The following SPECC1L variants were observed in gnomAD, a reference collection of about 807,000 sequenced individuals.
The protein encoded by SPECC1L is sperm antigen with calponin homology and coiled-coil domains 1 like.
Under a neutral mutation model 116.8 loss-of-function variants are expected in SPECC1L, and 40 were observed. The observed-to-expected ratio is 0.34, with a 90% CI of 0.27 to 0.45. The LOEUF is 0.45. SPECC1L is among the 20% of genes least tolerant of loss of function. SPECC1L has a pLI of 1.00. For synonymous variants in SPECC1L, 504 were observed against 500.6 expected, an observed-to-expected ratio of 1.01 and a Z score of -0.09; for missense variants, 1,110 against 1,373.6, an observed-to-expected ratio of 0.81 and a Z score of 3.03.
At chr22:24,369,187 A>G (rs199967266) in intron 13 of SPECC1L, 31 bp from the exon 14 acceptor site, 2 of 1,551,326 alleles carry the variant, frequency 1.3e-6, no homozygotes, top group East Asian at 4.5e-5. Flanking sequence ...CCAAACAAAA[A>G]ATATTTCAAC....
At chr22:24,307,492 G>A (rs1213962325) in intron 3 of SPECC1L, among the ~76,000 whole-genome samples, 2 of 151,768 alleles carry the variant, frequency 1.3e-5, no homozygotes, top group African/African-American at 2.4e-5. Context: ...ACTTCATAAA[G>A]GTATGATACC....
chr22:24,338,277 C>T, intron 9 of SPECC1L, 109 bp from the exon 10 acceptor site: 3 of 1,032,730 alleles, frequency 2.9e-6, no homozygotes, highest in Non-Finnish European at 4.6e-6. Flanking sequence ...AAGACAGTGT[C>T]CAGCGGGGTT....
At chr22:24,397,370 G>A (rs986088507) in intron 14 of SPECC1L, among the ~76,000 whole-genome samples, 2 of 152,192 alleles carry the variant, frequency 1.3e-5, no homozygotes, top group African/African-American at 4.8e-5. Flanking sequence ...CCAGGCTGCT[G>A]TACTCAGATG....
chr22:24,292,866 A>G (rs1202374724), intron 2 of SPECC1L, among the ~76,000 whole-genome samples: 2 of 152,218 alleles, frequency 1.3e-5, no homozygotes, highest in African/African-American at 4.8e-5. Flanking sequence ...TTTCAAGTCA[A>G]AGTCAGAATT....
chr22:24,334,910 A>G (rs1001699323), intron 9 of SPECC1L, among the ~76,000 whole-genome samples: 1 of 152,112 alleles, frequency 6.6e-6, no homozygotes, highest in East Asian at 1.9e-4. Context: ...TCCTCTGAAC[A>G]CCTCAGTCAT....
intron 4 of SPECC1L, among the ~76,000 whole-genome samples, chr22:24,316,965 A>C (rs2040587141): frequency 9.7e-6 from 1 of 103,326 alleles, no homozygotes; most frequent in African/African-American, 3.5e-5. Context: ...GGAGCTCCTC[A>C]CTTCCCAGTA....
At chr22:24,373,221 G>A (rs112631877) in intron 14 of SPECC1L, among the ~76,000 whole-genome samples, 3 of 152,190 alleles carry the variant, frequency 2.0e-5, no homozygotes, top group East Asian at 1.9e-4. Flanking sequence ...TATAGATTCA[G>A]TGCCATCCCC....
chr22:24,301,759 A>G (rs1206235335), intron 2 of SPECC1L, among the ~76,000 whole-genome samples: 1 of 152,138 alleles, frequency 6.6e-6, no homozygotes, highest in African/African-American at 2.4e-5. Context: ...ATTATAATAT[A>G]TATCAGAGCC....
At chr22:24,275,238 T>A (rs1028386030) in intron 1 of SPECC1L, among the ~76,000 whole-genome samples, 1 of 152,258 alleles carries the variant, frequency 6.6e-6, no homozygotes, top group Admixed American at 6.5e-5. Flanking sequence ...GCTGGGGTGC[T>A]GGTACAGTGC....
intron 2 of SPECC1L, among the ~76,000 whole-genome samples, chr22:24,286,429 A>G (rs1295874896): frequency 1.3e-5 from 2 of 152,240 alleles, no homozygotes; most frequent in African/African-American, 4.8e-5. Context: ...CTTGCAATAC[A>G]TTGCTCCTGA....
chr22:24,397,656 T>C (rs146573942), intron 14 of SPECC1L, among the ~76,000 whole-genome samples: 34 of 152,256 alleles, frequency 2.2e-4, no homozygotes, highest in African/African-American at 8.0e-4. Flanking sequence ...AGTCTCAGTT[T>C]GGTAGCTTAT....
chr22:24,361,969 C>T (rs566241327), intron 11 of SPECC1L, among the ~76,000 whole-genome samples: 14 of 152,146 alleles, frequency 9.2e-5, no homozygotes, highest in Non-Finnish European at 1.5e-4. Context: ...TATGCCATTA[C>T]TTTTGACATC....
intron 14 of SPECC1L, among the ~76,000 whole-genome samples, chr22:24,399,218 A>G: frequency 6.6e-6 from 1 of 152,204 alleles, no homozygotes; most frequent in Non-Finnish European, 1.5e-5. Flanking sequence ...TTAGGGTGAC[A>G]TTGGCTGACC....
intron 2 of SPECC1L, among the ~76,000 whole-genome samples, chr22:24,294,439 C>T (rs1300288946): frequency 3.4e-5 from 5 of 149,210 alleles, no homozygotes; most frequent in South Asian, 2.1e-4. Context: ...TGGAGTGCAG[C>T]GGCACGATAT....
chr22:24,283,386 C>G (rs940405505), intron 2 of SPECC1L, among the ~76,000 whole-genome samples: 4 of 152,198 alleles, frequency 2.6e-5, no homozygotes, highest in Non-Finnish European at 5.9e-5. Context: ...CCTGCCTTGC[C>G]GATTTTTGAA....
intron 10 of SPECC1L, among the ~76,000 whole-genome samples, chr22:24,345,926 G>A (rs1054380363): frequency 5.3e-5 from 8 of 152,080 alleles, no homozygotes; most frequent in Non-Finnish European, 1.2e-4. Context: ...AAATAAGTAG[G>A]TTGGTGGTGT....
intron 3 of SPECC1L, among the ~76,000 whole-genome samples, chr22:24,309,983 G>T (rs769539246): frequency 6.6e-6 from 1 of 152,020 alleles, no homozygotes; most frequent in African/African-American, 2.4e-5. Context: ...TCCCTCTTAC[G>T]CAGTTCCCAC....
chr22:24,291,107 G>A (rs1037822382), intron 2 of SPECC1L, among the ~76,000 whole-genome samples: 3 of 152,186 alleles, frequency 2.0e-5, no homozygotes, highest in African/African-American at 7.2e-5. Flanking sequence ...TGAAAATGAA[G>A]TTTGTGAAAT....
At chr22:24,289,589 A>G (rs1250225438) in intron 2 of SPECC1L, among the ~76,000 whole-genome samples, 2 of 152,212 alleles carry the variant, frequency 1.3e-5, no homozygotes, top group Non-Finnish European at 2.9e-5. Flanking sequence ...TCATAGAATA[A>G]TAGAAATCAT....
Sources: allele counts gnomAD v4.1 joint callset (sites outside exome capture counted in the v4.1 genomes callset), GRCh38; gene constraint gnomAD v4.1.1; transcripts MANE v1.5; gene names NCBI Gene and HGNC (gene_info 2026-07-23, HGNC 2026-07-21).